Variants in ASCC2 observed in about 807,000 individuals in gnomAD.
ASCC2 encodes the protein activating signal cointegrator 1 complex subunit 2, also known as ASC-1 complex subunit P100.
In ASCC2, 42 loss-of-function variants were observed where a neutral mutation model predicts 93.5. That is an observed-to-expected ratio of 0.45 (90% CI 0.35 to 0.58). ASCC2 has a LOEUF of 0.58. ASCC2 is among the 20% of genes least tolerant of loss of function. The probability of loss-of-function intolerance (pLI) is 0.00; values close to 1 mark genes in which losing one functional copy is unlikely to be tolerated. For synonymous variants in ASCC2, 364 were observed against 384.2 expected (o/e 0.95, Z 0.62); for missense variants, 859 against 977.6 (o/e 0.88, Z 1.62).
intron 6 of ASCC2, 88 bp from the exon 7 acceptor site, chr22:29,814,855 C>T (rs2060657638): frequency 1.9e-6 from 2 of 1,041,604 alleles, no homozygotes; most frequent in Non-Finnish European, 2.9e-6. Context: ...GATCTGAAAA[C>T]TGCCTTGGAG....
intron 5 of ASCC2, among the ~76,000 whole-genome samples, chr22:29,817,138 T>C (rs1409733685): frequency 1.3e-5 from 2 of 152,174 alleles, no homozygotes; most frequent in Non-Finnish European, 2.9e-5. Context: ...TGCCACTGCA[T>C]TTCTTGATTC....
chr22:29,828,556 G>A (rs1427267047), intron 2 of ASCC2, among the ~76,000 whole-genome samples: 2 of 152,076 alleles, frequency 1.3e-5, no homozygotes, highest in Non-Finnish European at 2.9e-5. Flanking sequence ...GTGCCATCCT[G>A]GTCTCACTGA....
At chr22:29,830,830 G>A (rs781201074) in intron 2 of ASCC2, among the ~76,000 whole-genome samples, 5 of 152,286 alleles carry the variant, frequency 3.3e-5, no homozygotes, top group South Asian at 2.1e-4. Context: ...CCTCCTGTGC[G>A]CCTGGCACTG....
rs2062244104 is a variant in ASCC2, at chr22:29,825,919, T to C, written c.82-139A>G. 3.1e-6 allele frequency: 3 copies of C among 961,120 alleles called. No homozygotes were observed. The highest frequency in any genetic ancestry group is 2.6e-5 in the Admixed American group (1 of 38,422). The allele number at this position is 961,120 out of a possible 1,614,324, so 59.5% of individuals were successfully genotyped here. On this transcript the variant is annotated intron_variant, in intron 2 of 19. Coordinates refer to ENST00000307790, the MANE Select transcript of ASCC2 (RefSeq NM_032204.5). This position sits in a 1 kb window ranked among gnomAD's most constrained non-coding sequence, Gnocchi z 4.9. ...GCTTTTAAGCATAAAGAACCAAGTG[T>C]ATCTAACAAAGAGGGCATGGTTGCA... is the stretch of plus-strand genomic sequence containing the variant.
intron 1 of ASCC2, 44 bp from the exon 2 acceptor site, chr22:29,832,386 TCCTGGGGGCAGGG>T: frequency 2.0e-6 from 3 of 1,482,020 alleles, no homozygotes; most frequent in Non-Finnish European, 2.8e-6. Flanking sequence ...ACACACAGAC[TCCTGGGGGCAGGG>T]CCTGCTCTGG....
chr22:29,803,298 T>TATTAA (rs969100433), intron 13 of ASCC2, among the ~76,000 whole-genome samples: 2 of 151,778 alleles, frequency 1.3e-5, no homozygotes, highest in South Asian at 2.1e-4. Flanking sequence ...TAAATAATTA[T>TATTAA]ATTAAATTAA....
intron 1 of ASCC2, among the ~76,000 whole-genome samples, chr22:29,837,347 C>T (rs926347649): frequency 6.6e-6 from 1 of 151,966 alleles, no homozygotes; most frequent in Admixed American, 6.6e-5. Flanking sequence ...GCAGGAGAAT[C>T]GCTTGAACCC....
At position 29,793,494 on chromosome 22, in the gene ASCC2, C is replaced by T. The variant is rs200305556; in HGVS notation, c.1789-4G>A. On this transcript the variant is annotated splice_region_variant and splice_polypyrimidine_tract_variant and intron_variant, in intron 16 of 19. Transcript: ENST00000307790. ...TCTCGCCTGGCTGCAGTGGCACCTG[C>T]AATGGCATAAGCATGGGTCTGGGGG... 22 of 1,614,036 alleles carry T rather than the reference C, an allele frequency of 1.4e-5. No homozygotes were observed. The highest frequency in any genetic ancestry group is 1.6e-4 in the Middle Eastern group (1 of 6,084).
chr22:29,834,694 A>G (rs539487178), intron 1 of ASCC2: 7 of 378,942 alleles, frequency 1.8e-5, no homozygotes, highest in East Asian at 1.5e-4. Context: ...CAACAACCCA[A>G]TTAAGGACAA....
intron 5 of ASCC2, among the ~76,000 whole-genome samples, chr22:29,818,160 C>G (rs1461911692): frequency 6.6e-6 from 1 of 151,742 alleles, no homozygotes; most frequent in African/African-American, 2.4e-5. Context: ...AACACTCAAC[C>G]AGTCCCCTTT....
intron 7 of ASCC2, among the ~76,000 whole-genome samples, chr22:29,814,403 C>T (rs1234213513): frequency 6.6e-6 from 1 of 152,216 alleles, no homozygotes; most frequent in Non-Finnish European, 1.5e-5. Flanking sequence ...TAAATGAGGA[C>T]TCTGAATCCT....
rs748724404 is a variant in ASCC2 at position 29,801,016 on chromosome 22, G to A, written c.1663C>T (p.Leu555=). Residue 555 remains leucine (L), a synonymous_variant, in exon 15 of 20, where the codon CTG becomes TTG. Coordinates refer to ENST00000307790, the MANE Select transcript of ASCC2 (RefSeq NM_032204.5). Reference sequence around the variant, plus strand: ...CTCTTGCCCTTGTGCACCCGGCTCAGGTCTACTGAGTCCCTGCTGAACACA... The same window carrying A: ...CTCTTGCCCTTGTGCACCCGGCTCAAGTCTACTGAGTCCCTGCTGAACACA... The part of the protein sequence containing the change: ...FDVFSRDSVD[L]SRVHKGKSTR... The A allele has an allele frequency of 5.0e-6, 8 of 1,600,830 alleles. No individual in the cohort carries two copies. Among genetic ancestry groups the A allele is most frequent in the Non-Finnish European group, 6.8e-6 (8 of 1,169,890 alleles).
At chr22:29,823,444 A>C (rs2061853432) in intron 4 of ASCC2, among the ~76,000 whole-genome samples, 1 of 152,254 alleles carries the variant, frequency 6.6e-6, no homozygotes, top group Admixed American at 6.5e-5. Context: ...GGATTGCTTT[A>C]AAATACTTCA....
In ASCC2 at chr22:29,825,904, A is replaced by G. The variant is rs895139672; in HGVS notation, c.82-124T>C. ...GTGACCCTCCAAGGAGCTTTTAAGC[A>G]TAAAGAACCAAGTGTATCTAACAAA... On this transcript the variant is annotated intron_variant, in intron 2 of 19. Coordinates refer to ENST00000307790, the MANE Select transcript of ASCC2 (RefSeq NM_032204.5). This position sits in a 1 kb window ranked among gnomAD's most constrained non-coding sequence, Gnocchi z 4.9. 37 of 1,128,120 alleles carry G rather than the reference A, an allele frequency of 3.3e-5. No individual in the cohort carries two copies. Among genetic ancestry groups the G allele is most frequent in the Non-Finnish European group, 4.7e-5 (37 of 785,136 alleles). The allele number at this position is 1,128,120 out of a possible 1,614,324, so 69.9% of individuals were successfully genotyped here. A position where few individuals can be genotyped will look rare whatever the true frequency, so the allele number is the denominator to read the frequency against.
chr22:29,808,079 CA>C (rs767905094), intron 9 of ASCC2, 31 bp downstream of exon 9: 89 of 1,611,270 alleles, frequency 5.5e-5, no homozygotes, highest in Non-Finnish European at 7.2e-5. Context: ...CTCTGTCCCA[CA>C]ACAACATTCT....
chr22:29,799,760 G>T (rs967060618), intron 15 of ASCC2, among the ~76,000 whole-genome samples: 1 of 152,152 alleles, frequency 6.6e-6, no homozygotes, highest in African/African-American at 2.4e-5. Flanking sequence ...TCCCTCTGAT[G>T]GGTCATCATT....
At position 29,808,103 on chromosome 22, in the gene ASCC2, C is replaced by A; in HGVS notation, c.908+8G>T. ...ACAACAACATTCTTAATTTTGTCCC[C>A]GCCTCACTTGCTATCTTCAAGCCTC... On this transcript the variant is annotated splice_region_variant and intron_variant, in intron 9 of 19. Transcript: ENST00000307790. 1 of 1,614,108 alleles carries A rather than the reference C, an allele frequency of 6.2e-7. No individual in the cohort carries two copies. The highest frequency in any genetic ancestry group is 8.5e-7 in the Non-Finnish European group (1 of 1,179,948).
chr22:29,832,096 T>C (rs1411880331), intron 2 of ASCC2, 149 bp downstream of exon 2: 7 of 666,822 alleles, frequency 1.0e-5, no homozygotes, highest in Non-Finnish European at 1.8e-5. Context: ...ACTCTGGGCC[T>C]GGAAGAGACT....
intron 4 of ASCC2, among the ~76,000 whole-genome samples, chr22:29,824,121 T>C (rs1202394759): frequency 6.6e-6 from 1 of 151,874 alleles, no homozygotes; most frequent in Admixed American, 6.6e-5. Flanking sequence ...CTCAGGAGTT[T>C]GAGGCTGCAG....
Sources: gnomAD v4.1 joint callset for allele counts (sites outside exome capture counted in the v4.1 genomes callset) on GRCh38, gnomAD v4.1.1 for gene constraint, Gnocchi (gnomAD v3.1) non-coding constraint, MANE v1.5 for transcripts, NCBI Gene and HGNC (gene_info 2026-07-23, HGNC 2026-07-21) for gene names.